Variants in SCUBE1 observed in about 807,000 individuals in gnomAD.
SCUBE1 encodes signal peptide, CUB domain and EGF like domain containing 1, also known as signal peptide, CUB and EGF-like domain-containing protein 1.
In SCUBE1, 59 loss-of-function variants were observed where a neutral mutation model predicts 124.4. The observed-to-expected ratio is 0.47, with a 90% CI of 0.38 to 0.59. SCUBE1 has a LOEUF of 0.59. SCUBE1 is among the 20% of genes least tolerant of loss of function. The pLI, the probability that SCUBE1 is intolerant of heterozygous loss-of-function variation, is 0.00. For synonymous variants in SCUBE1, 545 were observed against 550.9 expected, an observed-to-expected ratio of 0.99 and a Z score of 0.15; for missense variants, 1,150 against 1,371.2, an observed-to-expected ratio of 0.84 and a Z score of 2.55.
At chr22:43,241,017 G>T (rs1715791373) in intron 6 of SCUBE1, among the ~76,000 whole-genome samples, 2 of 152,178 alleles carry the variant, frequency 1.3e-5, no homozygotes. Context: ...TCTCTGCGGA[G>T]GGGGAGGTGA....
chr22:43,231,540 G>A, intron 8 of SCUBE1, among the ~76,000 whole-genome samples: 1 of 152,276 alleles, frequency 6.6e-6, no homozygotes, highest in South Asian at 2.1e-4. Flanking sequence ...TGCCACCTGG[G>A]ACATGTGCTG....
At chr22:43,288,116 CA>C (rs1339196922) in intron 4 of SCUBE1, among the ~76,000 whole-genome samples, 1 of 152,186 alleles carries the variant, frequency 6.6e-6, no homozygotes, top group Non-Finnish European at 1.5e-5. Context: ...AGAGGCCACA[CA>C]AAAATCGTAA....
At chr22:43,321,485 C>T (rs1371874181) in intron 2 of SCUBE1, among the ~76,000 whole-genome samples, 1 of 152,186 alleles carries the variant, frequency 6.6e-6, no homozygotes, top group Non-Finnish European at 1.5e-5. Context: ...GTAAGCACTG[C>T]CCTGATGCCT....
rs556882345 is a variant in SCUBE1 at position 43,244,985 on chromosome 22, G to A, written c.728-6031C>T. ...TGAAAAGGGATTGGCCGGCCCTTCCGGCAGATCTGGGGACCTCTGACCTCT... is the reference window on the plus strand; with the variant it reads ...TGAAAAGGGATTGGCCGGCCCTTCCAGCAGATCTGGGGACCTCTGACCTCT... On this transcript the variant is annotated intron_variant, in intron 6 of 21. Transcript: ENST00000360835. Among the ~76,000 whole-genome samples the A allele has an allele frequency of 5.3e-5, 8 of 152,234 alleles. 1 individual carries two copies. In the East Asian group the frequency reaches 5.8e-4, roughly 11 times the overall value.
At chr22:43,289,442 G>C (rs933348124) in intron 4 of SCUBE1, among the ~76,000 whole-genome samples, 2 of 152,246 alleles carry the variant, frequency 1.3e-5, no homozygotes, top group Non-Finnish European at 2.9e-5. Flanking sequence ...CACGGAGCTC[G>C]GGCTTTCTGT....
intron 4 of SCUBE1, among the ~76,000 whole-genome samples, chr22:43,278,601 C>T (rs1056097198): frequency 1.3e-5 from 2 of 152,174 alleles, no homozygotes; most frequent in African/African-American, 4.8e-5. Context: ...AGGATCCTAT[C>T]AATATGTGGC....
intron 4 of SCUBE1, among the ~76,000 whole-genome samples, chr22:43,271,899 C>A (rs943965827): frequency 6.6e-6 from 1 of 152,200 alleles, no homozygotes; most frequent in Non-Finnish European, 1.5e-5. Flanking sequence ...GTGCCAGGTA[C>A]AACCAGCACT....
intron 10 of SCUBE1, among the ~76,000 whole-genome samples, chr22:43,225,791 G>A (rs747302839): frequency 3.9e-5 from 6 of 151,922 alleles, no homozygotes; most frequent in African/African-American, 7.3e-5. Flanking sequence ...GCGTAAACCT[G>A]CTCACCACAG....
intron 2 of SCUBE1, among the ~76,000 whole-genome samples, chr22:43,329,328 C>T (rs1926828217): frequency 6.6e-6 from 1 of 152,256 alleles, no homozygotes; most frequent in South Asian, 2.1e-4. Flanking sequence ...AGACTGAGGC[C>T]AGCATTGGGC....
Position 43,210,771 on chromosome 22 carries a change from G to A in SCUBE1, c.2383+151C>T. Reference sequence around the variant, plus strand: ...CCTTTGGTGCCACAGGCCTCCAGATGGATGCAATGCACCCGAGAGCAGACG... The same window carrying A: ...CCTTTGGTGCCACAGGCCTCCAGATAGATGCAATGCACCCGAGAGCAGACG... On this transcript the variant is annotated intron_variant, in intron 18 of 21. Coordinates refer to ENST00000360835, the MANE Select transcript of SCUBE1 (RefSeq NM_173050.5). The surrounding 1 kb of genome is among the most constrained non-coding windows in gnomAD (Gnocchi z 4.5). 4.3e-6 allele frequency: 4 copies of A among 925,324 alleles called. No individual in the cohort carries two copies. Among genetic ancestry groups the A allele is most frequent in the Non-Finnish European group, 6.6e-6 (4 of 609,986 alleles). The allele number at this position is 925,324 out of a possible 1,614,324, so 57.3% of individuals were successfully genotyped here.
chr22:43,204,350 G>C (rs1235735086), intron 21 of SCUBE1, among the ~76,000 whole-genome samples: 1 of 152,032 alleles, frequency 6.6e-6, no homozygotes, highest in Non-Finnish European at 1.5e-5. Flanking sequence ...ACCCAGGCTG[G>C]AGTGCAGTGG....
chr22:43,293,763 C>T (rs111655858), intron 3 of SCUBE1, among the ~76,000 whole-genome samples: 18 of 152,334 alleles, frequency 1.2e-4, no homozygotes, highest in African/African-American at 3.8e-4. Flanking sequence ...CCCTGCTCTG[C>T]GCCTTGGCTT....
intron 1 of SCUBE1, among the ~76,000 whole-genome samples, chr22:43,342,135 C>G (rs987306453): frequency 2.0e-5 from 3 of 151,970 alleles, no homozygotes; most frequent in Non-Finnish European, 2.9e-5. Flanking sequence ...GTGCAGGACC[C>G]TCCCCCTGCC....
intron 4 of SCUBE1, among the ~76,000 whole-genome samples, chr22:43,277,784 T>C (rs550665506): frequency 1.3e-5 from 2 of 152,366 alleles, no homozygotes; most frequent in East Asian, 1.9e-4. Context: ...GGGCTCTACA[T>C]GAGGCGATGT....
rs750532686 is a variant in SCUBE1 at position 43,222,607 on chromosome 22, G to T, written c.1432+31C>A. ...CTGGATGCAGTCAAGTCACCCAGTG[G>T]CATGCAGCATGGACAGGCCGGGGGG... is the stretch of plus-strand genomic sequence containing the variant. On this transcript the variant is annotated intron_variant, in intron 12 of 21. Coordinates refer to ENST00000360835, the MANE Select transcript of SCUBE1 (RefSeq NM_173050.5). The T allele has an allele frequency of 7.5e-6, 11 of 1,467,826 alleles. No homozygotes were observed. The South Asian group carries it at 1.2e-4, about 16-fold the overall frequency. The allele number at this position is 1,467,826 out of a possible 1,614,324, so 90.9% of individuals were successfully genotyped here.
At position 43,258,271 on chromosome 22, in the gene SCUBE1, C is replaced by G; in HGVS notation, c.675G>C (p.Thr225=). ...HSCEDTDTGP[T]CGCHQKYALH... is the part of the protein sequence containing the mutation. ...GGGCGTACTTCTGGTGGCAACCACA[C>G]GTGGGGCCTGTGTCTGTGTCCTCAC... Residue 225 remains threonine (T), a synonymous_variant, in exon 6 of 22, where the codon ACG becomes ACC. Transcript: ENST00000360835. This position sits in a 1 kb window ranked among gnomAD's most constrained non-coding sequence, Gnocchi z 5.0. 1 of 1,614,148 alleles carries G rather than the reference C, an allele frequency of 6.2e-7. No homozygotes were observed. Among genetic ancestry groups the G allele is most frequent in the African/African-American group, 1.3e-5 (1 of 75,048 alleles).
At chr22:43,286,089 C>T (rs1014537121) in intron 4 of SCUBE1, among the ~76,000 whole-genome samples, 10 of 152,254 alleles carry the variant, frequency 6.6e-5, no homozygotes, top group Non-Finnish European at 5.9e-5. Flanking sequence ...TGTTGTGGGG[C>T]CCTGGGCCAG....
At chr22:43,288,817 G>A (rs1277631410) in intron 4 of SCUBE1, among the ~76,000 whole-genome samples, 1 of 152,218 alleles carries the variant, frequency 6.6e-6, no homozygotes, top group Non-Finnish European at 1.5e-5. Flanking sequence ...AAGGTGGAGT[G>A]AGCTTGTCTT....
At chr22:43,325,112 T>C (rs5996310) in intron 2 of SCUBE1, among the ~76,000 whole-genome samples, 99,755 of 150,904 alleles carry the variant, frequency 0.66, 33,910 homozygotes, top group African/African-American at 0.83. Flanking sequence ...GAGGCAGCTG[T>C]GTGTGTGAGG....
Sources: gnomAD v4.1 joint callset for allele counts (sites outside exome capture counted in the v4.1 genomes callset) on GRCh38, gnomAD v4.1.1 for gene constraint, Gnocchi (gnomAD v3.1) non-coding constraint, MANE v1.5 for transcripts, NCBI Gene and HGNC (gene_info 2026-07-23, HGNC 2026-07-21) for gene names.